The following SERPINA11 variants were observed in gnomAD, a reference collection of about 807,000 sequenced individuals.
SERPINA11 encodes serpin family A member 11.
Under a neutral mutation model 29.4 loss-of-function variants are expected in SERPINA11, and 28 were observed. The ratio of observed to expected loss-of-function variants is 0.95; its 90% CI spans 0.70 to 1.30. The LOEUF (loss-of-function observed/expected upper bound fraction) is 1.30. Ranked by LOEUF, SERPINA11 falls within the 50% of genes most tolerant of loss-of-function variation. The probability of loss-of-function intolerance (pLI) is 0.00; values close to 1 mark genes in which losing one functional copy is unlikely to be tolerated. For missense variants in SERPINA11, 530 were observed against 507.3 expected (o/e 1.04, Z -0.43); for synonymous variants, 253 against 206.6 (o/e 1.22, Z -1.92).
chr14:94,444,235 C>G (rs1898395470), intron 3 of SERPINA11, among the ~76,000 whole-genome samples: 1 of 152,160 alleles, frequency 6.6e-6, no homozygotes, highest in South Asian at 2.1e-4. Context: ...GGATGTTTAA[C>G]AACTGTGAAT....
chr14:94,447,016 T>G (rs1476499038), intron 2 of SERPINA11, among the ~76,000 whole-genome samples: 3 of 152,260 alleles, frequency 2.0e-5, no homozygotes, highest in Non-Finnish European at 2.9e-5. Flanking sequence ...GATGACTGAC[T>G]GAGCAGCTCA....
In SERPINA11 at chr14:94,449,541, T is replaced by G. The variant is rs1031346907; in HGVS notation, c.-3-764A>C. Reference sequence around the variant, plus strand: ...TCTTTCTTTCTTTTTCTTTCTTTCTTTCTCTTTCTCTTTCTTTCTTTCTTT... The same window carrying G: ...TCTTTCTTTCTTTTTCTTTCTTTCTGTCTCTTTCTCTTTCTTTCTTTCTTT... On this transcript the variant is annotated intron_variant, in intron 1 of 4. Transcript: ENST00000334708. Among the ~76,000 whole-genome samples the G allele has an allele frequency of 5.0e-5, 7 of 140,700 alleles. 1 individual carries two copies. The highest frequency in any genetic ancestry group is 2.0e-4 in the African/African-American group (7 of 35,664). The allele number at this position is 140,700 out of a possible 152,430, so 92.3% of individuals were successfully genotyped here.
chr14:94,450,426 A>C (rs1898566394), intron 1 of SERPINA11, among the ~76,000 whole-genome samples: 1 of 152,182 alleles, frequency 6.6e-6, no homozygotes, highest in South Asian at 2.1e-4. Context: ...GTGAAGATGA[A>C]GGCAGAGATC....
intron 2 of SERPINA11, 150 bp downstream of exon 2, chr14:94,447,982 C>A: frequency 1.3e-6 from 1 of 762,436 alleles, no homozygotes; most frequent in East Asian, 2.5e-5. Context: ...TTCCAACCCA[C>A]ATGGACTGTG....
intron 3 of SERPINA11, among the ~76,000 whole-genome samples, chr14:94,443,700 C>A (rs933166795): frequency 1.3e-5 from 2 of 152,214 alleles, no homozygotes; most frequent in Non-Finnish European, 2.9e-5. Context: ...TTGTCTCTCA[C>A]CCATCTCCAC....
intron 3 of SERPINA11, 78 bp downstream of exon 3, chr14:94,446,253 T>A (rs1248680176): frequency 2.3e-6 from 3 of 1,325,392 alleles, no homozygotes; most frequent in Non-Finnish European, 2.1e-6. Context: ...GATGTTGGGC[T>A]TTTGCAGCTG....
chr14:94,446,231 C>G, intron 3 of SERPINA11, 100 bp downstream of exon 3: 1 of 1,124,048 alleles, frequency 8.9e-7, no homozygotes, highest in Admixed American at 2.2e-5. Context: ...GATGGTGAGC[C>G]TAATCGAGAT....
intron 3 of SERPINA11, 125 bp from the exon 4 acceptor site, chr14:94,443,350 C>T: frequency 1.2e-6 from 1 of 853,302 alleles, no homozygotes; most frequent in Non-Finnish European, 1.8e-6. Context: ...ACCAGTCTTC[C>T]CATGACACTG....
rs1249999049 is a variant in SERPINA11, at chr14:94,442,626, C to A, written c.1249G>T (p.Val417Phe). Residue 417 changes from valine (V) to phenylalanine (F), a missense_variant, in exon 5 of 5, where the codon GTC becomes TTC. Transcript: ENST00000334708. ...TQSLLFLGKV[V>F]NPVAG ...CATGGTTACCCTGCAACTGGGTTGA[C>A]AACTTTTCCCAGGAAGAGTAAGCTC... 1 of 1,610,074 alleles carries A rather than the reference C, an allele frequency of 6.2e-7. No homozygotes were observed. The highest frequency in any genetic ancestry group is 1.7e-5 in the Admixed American group (1 of 59,598).
rs373188387 is a variant in SERPINA11, at chr14:94,448,417, G to T, written c.358C>A (p.Arg120=). ...AGGGCAAGGGTGTGGAGGAGGCTCC[G>T]GAAGCCCTGGTGGATGTCGGCTTCA... is the stretch of plus-strand genomic sequence containing the variant. ...TPEADIHQGF[R]SLLHTLALPS... The change falls in exon 2 of 5, where the codon CGG becomes AGG. Residue 120 remains arginine, a synonymous_variant. Transcript: ENST00000334708. 1.2e-6 allele frequency: 2 copies of T among 1,613,978 alleles called. No homozygotes were observed. The highest frequency in any genetic ancestry group is 2.2e-5 in the East Asian group (1 of 44,894).
intron 1 of SERPINA11, among the ~76,000 whole-genome samples, chr14:94,449,871 A>G (rs887655255): frequency 2.0e-5 from 3 of 152,312 alleles, no homozygotes; most frequent in Non-Finnish European, 2.9e-5. Context: ...CACATCCAGC[A>G]TGGCTATTGA....
In SERPINA11 at chr14:94,448,787, A is replaced by T; in HGVS notation, c.-3-10T>A. The T allele has an allele frequency of 6.6e-7, 1 of 1,506,270 alleles. No homozygotes were observed. Among genetic ancestry groups the T allele is most frequent in the Non-Finnish European group, 8.9e-7 (1 of 1,128,230 alleles). The allele number at this position is 1,506,270 out of a possible 1,614,324, so 93.3% of individuals were successfully genotyped here. On this transcript the variant is annotated splice_polypyrimidine_tract_variant and intron_variant, in intron 1 of 4. Transcript: ENST00000334708. The stretch of plus-strand genomic sequence containing the variant: ...AAGCTGGACCCATTCTCTGAAAACA[A>T]GAGGGTGAACATGTCACTTTTCTCC...
chr14:94,449,421 CTT>C (rs1898526331), intron 1 of SERPINA11, among the ~76,000 whole-genome samples: 1 of 81,064 alleles, frequency 1.2e-5, no homozygotes, highest in Non-Finnish European at 2.2e-5. Flanking sequence ...TTCTTTCTTT[CTT>C]TCTTTCTTTC....
chr14:94,448,201 C>G lies in SERPINA11; in HGVS notation c.574G>C (p.Val192Leu). Reference protein sequence around the residue: ...DYLRRQTYGQVVDCLPEFSQD... With the variant: ...DYLRRQTYGQLVDCLPEFSQD... ...CTGAACTCCGGGAGGCAGTCCACGA[C>G]TTGCCCGTATGTTTGCCTTCTCAAA... is the stretch of plus-strand genomic sequence containing the variant. Residue 192 changes from valine (V) to leucine (L), a missense_variant, in exon 2 of 5, where the codon GTC (valine) becomes CTC (leucine). By Grantham distance (32) the Val-to-Leu change is conservative. Coordinates refer to ENST00000334708, the MANE Select transcript of SERPINA11 (RefSeq NM_001080451.2). 1 of 1,614,242 alleles carries G rather than the reference C, an allele frequency of 6.2e-7. No individual in the cohort carries two copies. Among genetic ancestry groups the G allele is most frequent in the South Asian group, 1.1e-5 (1 of 91,082 alleles).
In SERPINA11 at chr14:94,446,300, T is replaced by C. The variant is rs758348433; in HGVS notation, c.917+31A>G. On this transcript the variant is annotated intron_variant, in intron 3 of 4. Coordinates refer to ENST00000334708, the MANE Select transcript of SERPINA11 (RefSeq NM_001080451.2). ...GACCTGCTGGGGTTCTTGAGCAAGG[T>C]CAGCCAGCATCCTTCTGCTGTGACA... 1.9e-6 allele frequency: 3 copies of C among 1,594,070 alleles called. No individual in the cohort carries two copies. In the African/African-American group the frequency reaches 4.0e-5, roughly 21 times the overall value.
In SERPINA11 at chr14:94,452,516, C is replaced by T. The variant is rs765232941; in HGVS notation, c.-4+213G>A. ...AAAGGAGATTGAAAACCTGAAGTCT[C>T]TCCTTTAAGACTCAGAGGGAGTACA... On this transcript the variant is annotated intron_variant, in intron 1 of 4. Coordinates refer to ENST00000334708, the MANE Select transcript of SERPINA11 (RefSeq NM_001080451.2). Among the ~76,000 whole-genome samples the T allele has an allele frequency of 9.3e-4, 141 of 151,664 alleles. No individual in the cohort carries two copies. The Middle Eastern group carries it at 0.024, about 26-fold the overall frequency.
chr14:94,446,512 G>T lies in SERPINA11; in HGVS notation c.736C>A (p.His246Asn). 1 of 1,614,192 alleles carries T rather than the reference G, an allele frequency of 6.2e-7. No individual in the cohort carries two copies. Among genetic ancestry groups the T allele is most frequent in the East Asian group, 2.2e-5 (1 of 44,892 alleles). Residue 246 changes from histidine (H) to asparagine (N), a missense_variant, in exon 3 of 5, where the codon CAC becomes AAC. Transcript: ENST00000334708. ...AGGAATCTGTGCATTTCCTTTTGGT[G>T]CATCATGGGGACCTGGAGAGAAGTC... ...ERTSLQVPMM[H>N]QKEMHRFLYD...
chr14:94,447,947 C>G (rs976359218), intron 2 of SERPINA11, among the ~76,000 whole-genome samples, 185 bp downstream of exon 2: 7 of 152,216 alleles, frequency 4.6e-5, no homozygotes, highest in African/African-American at 1.7e-4. Context: ...CATCACCATC[C>G]CACTGAGTTA....
chr14:94,445,033 A>G (rs1898410256), intron 3 of SERPINA11, among the ~76,000 whole-genome samples: 1 of 152,212 alleles, frequency 6.6e-6, no homozygotes. Flanking sequence ...GCCATATACC[A>G]GTATTAACTA....
Sources: gnomAD v4.1 joint callset for allele counts (sites outside exome capture counted in the v4.1 genomes callset) on GRCh38, gnomAD v4.1.1 for gene constraint, MANE v1.5 for transcripts, NCBI Gene and HGNC (gene_info 2026-07-23, HGNC 2026-07-21) for gene names.